Variants in DECR1 observed in about 807,000 individuals in gnomAD.
DECR1 encodes the protein 2,4-dienoyl-CoA reductase 1.
Under a neutral mutation model 38.8 loss-of-function variants are expected in DECR1, and 44 were observed. The ratio of observed to expected loss-of-function variants is 1.13; its 90% CI spans 0.89 to 1.46. The LOEUF is 1.46. Ranked by LOEUF, DECR1 falls within the 40% of genes most tolerant of loss-of-function variation. DECR1 has a pLI of 0.00. For synonymous variants in DECR1, 148 were observed against 135.2 expected (o/e 1.09, Z -0.66); for missense variants, 428 against 405.5 (o/e 1.06, Z -0.48).
chr8:90,027,456 G>C (rs892329307), intron 5 of DECR1, among the ~76,000 whole-genome samples: 15 of 152,140 alleles, frequency 9.9e-5, no homozygotes, highest in Admixed American at 8.5e-4. Context: ...CTGTTGAATT[G>C]ATCCCTTTAT....
chr8:90,008,061 A>T (rs1812788493), intron 1 of DECR1, among the ~76,000 whole-genome samples: 1 of 152,202 alleles, frequency 6.6e-6, no homozygotes. Context: ...TTTAGCCCTA[A>T]TTTATTCTTC....
At chr8:90,005,634 C>A in intron 1 of DECR1, 1 of 360,998 alleles carries the variant, frequency 2.8e-6, no homozygotes, top group South Asian at 2.1e-5. Context: ...CTGTTCATAC[C>A]CAACGATCCT....
chr8:90,022,849 C>T (rs1178336236), intron 5 of DECR1, among the ~76,000 whole-genome samples: 1 of 152,068 alleles, frequency 6.6e-6, no homozygotes, highest in African/African-American at 2.4e-5. Flanking sequence ...TCATTATTGT[C>T]TTTCATTTTA....
At chr8:90,025,336 G>T (rs1352144602) in intron 5 of DECR1, among the ~76,000 whole-genome samples, 1 of 152,126 alleles carries the variant, frequency 6.6e-6, no homozygotes, top group East Asian at 1.9e-4. Flanking sequence ...TCATGATATT[G>T]ATTCTTCCTA....
intron 4 of DECR1, among the ~76,000 whole-genome samples, chr8:90,020,650 C>T (rs1253764633): frequency 6.6e-6 from 1 of 152,144 alleles, no homozygotes; most frequent in East Asian, 1.9e-4. Flanking sequence ...CAGGCATGAG[C>T]CACTGCACTC....
At chr8:90,009,416 A>G (rs1812827746) in intron 1 of DECR1, among the ~76,000 whole-genome samples, 2 of 151,854 alleles carry the variant, frequency 1.3e-5, no homozygotes, top group Non-Finnish European at 2.9e-5. Flanking sequence ...CTACATATCA[A>G]CTTTTAATAT....
At chr8:90,051,807 G>T in intron 9 of DECR1, 31 bp from the exon 10 acceptor site, 1 of 1,613,110 alleles carries the variant, frequency 6.2e-7, no homozygotes, top group Non-Finnish European at 8.5e-7. Context: ...CATGTAAAAA[G>T]GACATTAAAT....
intron 7 of DECR1, 28 bp from the exon 8 acceptor site, chr8:90,044,821 C>A (rs1181230690): frequency 6.3e-6 from 10 of 1,587,206 alleles, no homozygotes; most frequent in Non-Finnish European, 7.7e-6. Context: ...AAACCCGACA[C>A]AACCTAATTG....
chr8:90,023,600 C>T (rs998796726), intron 5 of DECR1, among the ~76,000 whole-genome samples: 5 of 151,980 alleles, frequency 3.3e-5, no homozygotes, highest in African/African-American at 1.2e-4. Flanking sequence ...TACATTTCCT[C>T]CTGATGCCAG....
chr8:90,024,591 T>C (rs1813277544), intron 5 of DECR1, among the ~76,000 whole-genome samples: 1 of 152,228 alleles, frequency 6.6e-6, no homozygotes, highest in Non-Finnish European at 1.5e-5. Context: ...GTAAATTTGT[T>C]TAAGTTCTTT....
intron 1 of DECR1, among the ~76,000 whole-genome samples, chr8:90,014,580 C>T (rs1466633711): frequency 1.3e-5 from 2 of 152,054 alleles, no homozygotes; most frequent in African/African-American, 4.8e-5. Context: ...ATTATTTTTA[C>T]CACATGTGAC....
chr8:90,008,737 C>T (rs1044041476), intron 1 of DECR1, among the ~76,000 whole-genome samples: 1 of 152,018 alleles, frequency 6.6e-6, no homozygotes, highest in African/African-American at 2.4e-5. Context: ...ATCACATGTA[C>T]CCCATAAATA....
rs371840859 is a variant in DECR1, at chr8:90,019,068, C to A, written c.331-18C>A. ...TAAGAAAGCTGGAAAATGTCATATT[C>A]TTTTTGTTATTTTGCAGGTTCATGC... On this transcript the variant is annotated intron_variant, in intron 3 of 9. Transcript: ENST00000220764. 1.7e-5 allele frequency: 27 copies of A among 1,611,592 alleles called. No homozygotes were observed. Among genetic ancestry groups the A allele is most frequent in the African/African-American group, 4.0e-5 (3 of 74,822 alleles).
intron 5 of DECR1, 152 bp downstream of exon 5, chr8:90,021,208 A>G (rs1813154392): frequency 1.8e-6 from 1 of 561,150 alleles, no homozygotes. Context: ...TAATTATCAT[A>G]TGTTACAATT....
chr8:90,037,177 A>G (rs1180510136), intron 6 of DECR1, among the ~76,000 whole-genome samples: 1 of 152,212 alleles, frequency 6.6e-6, no homozygotes, highest in Non-Finnish European at 1.5e-5. Flanking sequence ...CAGTATCCAC[A>G]TGTAGATATT....
At chr8:90,047,819 A>G (rs1813951263) in intron 8 of DECR1, among the ~76,000 whole-genome samples, 1 of 152,238 alleles carries the variant, frequency 6.6e-6, no homozygotes, top group African/African-American at 2.4e-5. Flanking sequence ...AAGAACAGAA[A>G]TTATAACAAA....
At chr8:90,049,112 T>C (rs894902900) in intron 8 of DECR1, among the ~76,000 whole-genome samples, 2 of 152,164 alleles carry the variant, frequency 1.3e-5, no homozygotes, top group African/African-American at 4.8e-5. Flanking sequence ...CTTTGAAAAC[T>C]GGCACAAGAC....
At chr8:90,030,347 G>GT (rs1323755158) in intron 5 of DECR1, 3 of 152,176 alleles carry the variant, frequency 2.0e-5, no homozygotes, top group Non-Finnish European at 1.5e-5. Flanking sequence ...GTTTCATGTT[G>GT]TAAGTCTCCT....
At chr8:90,045,327 C>T (rs1813866506) in intron 8 of DECR1, among the ~76,000 whole-genome samples, 1 of 152,080 alleles carries the variant, frequency 6.6e-6, no homozygotes. Flanking sequence ...GACACTCCCA[C>T]CCTAATACTG....
Sources: allele counts gnomAD v4.1 joint callset (sites outside exome capture counted in the v4.1 genomes callset), GRCh38; gene constraint gnomAD v4.1.1; transcripts MANE v1.5; gene names NCBI Gene and HGNC (gene_info 2026-07-23, HGNC 2026-07-21).